Variants in STARD4 observed in about 807,000 individuals in gnomAD.
The protein encoded by STARD4 is StAR related lipid transfer domain containing 4.
A neutral mutation model predicts 24.9 loss-of-function variants in STARD4; 33 were observed. The observed-to-expected ratio is 1.32, with a 90% CI of 1.00 to 1.77. The LOEUF (loss-of-function observed/expected upper bound fraction) is 1.77. STARD4 is among the 40% of genes most tolerant of loss of function. The probability of loss-of-function intolerance (pLI) is 0.00; values close to 1 mark genes in which losing one functional copy is unlikely to be tolerated. For missense variants in STARD4, 238 were observed against 249.3 expected (o/e 0.95, Z 0.31); for synonymous variants, 88 against 77.4 (o/e 1.14, Z -0.72).
intron 1 of STARD4, among the ~76,000 whole-genome samples, chr5:111,509,497 T>C (rs1757094234): frequency 6.6e-6 from 1 of 152,128 alleles, no homozygotes; most frequent in African/African-American, 2.4e-5. Context: ...ACAGGCCCTT[T>C]TATAATGTGG....
intron 1 of STARD4, among the ~76,000 whole-genome samples, chr5:111,509,858 A>G (rs957089199): frequency 6.6e-6 from 1 of 152,094 alleles, no homozygotes; most frequent in Non-Finnish European, 1.5e-5. Flanking sequence ...ATGAAACACC[A>G]TTTCTCAAGA....
In STARD4 at chr5:111,497,560, A is replaced by G. The variant is rs910232137; in HGVS notation, c.*2326T>C. 2.0e-5 allele frequency: 3 copies of G among 152,084 alleles called. No individual in the cohort carries two copies. The highest frequency in any genetic ancestry group is 4.8e-5 in the African/African-American group (2 of 41,454). The allele number at this position is 152,084 out of a possible 1,614,324, so 9.4% of individuals were successfully genotyped here. A position where few individuals can be genotyped will look rare whatever the true frequency, so the allele number is the denominator to read the frequency against. ...ACTATCAGAATAAATCTTTACATCA[A>G]TTACATGTTAAAATGATAACATTTT... On this transcript the variant is annotated 3_prime_UTR_variant, in exon 6 of 6. Coordinates refer to ENST00000296632, the MANE Select transcript of STARD4 (RefSeq NM_139164.3).
intron 3 of STARD4, among the ~76,000 whole-genome samples, chr5:111,506,033 C>G (rs559870228): frequency 9.2e-5 from 14 of 151,668 alleles, no homozygotes; most frequent in African/African-American, 3.1e-4. Context: ...GTACTAAAAA[C>G]TACAAAAAAA....
chr5:111,496,079 AAAT>A lies in STARD4; in HGVS notation c.*3804_*3806del, dbSNP rs539363964. 5.1e-3 allele frequency: 781 copies of A among 152,148 alleles called. 5 individuals are homozygous for A. Among genetic ancestry groups the A allele is most frequent in the African/African-American group, 0.018 (729 of 41,562 alleles). 9.4% of individuals were successfully genotyped at this position (152,148 alleles called of 1,614,324 possible). A position where few individuals can be genotyped will look rare whatever the true frequency, so the allele number is the denominator to read the frequency against. ...TTTATTTTGTTTCATACCAATTTAA[AAAT>A]AAATACATATTTTATTGATACTAAT... On this transcript the variant is annotated 3_prime_UTR_variant, in exon 6 of 6. Transcript: ENST00000296632.
rs1159675664 is a variant in STARD4 at position 111,507,826 on chromosome 5, T to C, written c.-9-384A>G. ...CTCAAAAATCCCAGATCCAGAAGCC[T>C]ACTTAAAGCTTCAAGCCTAAAGGGA... On this transcript the variant is annotated intron_variant, in intron 1 of 5. Coordinates refer to ENST00000296632, the MANE Select transcript of STARD4 (RefSeq NM_139164.3). The surrounding 1 kb of genome is among the most constrained non-coding windows in gnomAD (Gnocchi z 4.4). 6.6e-6 allele frequency among the ~76,000 whole-genome samples: 1 copy of C among 152,128 alleles called. No homozygotes were observed. The highest frequency in any genetic ancestry group is 1.5e-5 in the Non-Finnish European group (1 of 67,992).
rs1756237596 is a variant in STARD4 at position 111,498,736 on chromosome 5, T to G, written c.*1150A>C. 1 of 152,160 alleles carries G rather than the reference T, an allele frequency of 6.6e-6. No homozygotes were observed. Among genetic ancestry groups the G allele is most frequent in the Admixed American group, 6.6e-5 (1 of 15,262 alleles). 9.4% of individuals were successfully genotyped at this position (152,160 alleles called of 1,614,324 possible). A position where few individuals can be genotyped will look rare whatever the true frequency, so the allele number is the denominator to read the frequency against. On this transcript the variant is annotated 3_prime_UTR_variant, in exon 6 of 6. Coordinates refer to ENST00000296632, the MANE Select transcript of STARD4 (RefSeq NM_139164.3). ...ATCAATCTAGATACTATGAGATAAT[T>G]CACCATGAACATTGTGCTGCTGCCA... is the stretch of plus-strand genomic sequence containing the variant.
intron 5 of STARD4, chr5:111,500,623 A>G (rs1291715825): frequency 8.7e-7 from 1 of 1,150,494 alleles, no homozygotes; most frequent in Admixed American, 4.6e-5. Context: ...AAAATACAAC[A>G]CAGCTCAAGG....
chr5:111,503,297 CATA>C (rs1169676172), intron 3 of STARD4, among the ~76,000 whole-genome samples: 1 of 152,192 alleles, frequency 6.6e-6, no homozygotes, highest in Non-Finnish European at 1.5e-5. Flanking sequence ...TTCTACCACT[CATA>C]ATAATTAATT....
chr5:111,504,203 A>G (rs1263757898), intron 3 of STARD4, among the ~76,000 whole-genome samples: 1 of 152,200 alleles, frequency 6.6e-6, no homozygotes, highest in African/African-American at 2.4e-5. Context: ...GCACAAAGAG[A>G]TATATACCAA....
intron 1 of STARD4, among the ~76,000 whole-genome samples, chr5:111,510,303 T>TTG (rs1296398543): frequency 1.3e-5 from 2 of 152,218 alleles, no homozygotes; most frequent in East Asian, 3.8e-4. Context: ...TATCAAGGTC[T>TTG]TGGCTCTCTC....
chr5:111,500,963 A>G (rs958652160), intron 5 of STARD4, 39 bp downstream of exon 5: 2 of 1,613,206 alleles, frequency 1.2e-6, no homozygotes, highest in Middle Eastern at 1.7e-4. Flanking sequence ...AAATATTTAA[A>G]CCATACTGAA....
intron 4 of STARD4, among the ~76,000 whole-genome samples, chr5:111,501,550 G>T (rs566631112): frequency 7.9e-5 from 12 of 152,262 alleles, no homozygotes; most frequent in African/African-American, 2.9e-4. Context: ...TATAATTTTA[G>T]AATATCTAAG....
intron 3 of STARD4, chr5:111,505,051 A>G (rs1756751235): frequency 2.2e-6 from 1 of 455,380 alleles, no homozygotes; most frequent in Non-Finnish European, 4.4e-6. Flanking sequence ...ACTCTGAAAA[A>G]AAAAAAACCA....
intron 3 of STARD4, 103 bp from the exon 4 acceptor site, chr5:111,502,191 G>T (rs1031316940): frequency 7.4e-7 from 1 of 1,355,488 alleles, no homozygotes; most frequent in Non-Finnish European, 9.9e-7. Context: ...AAATTAGGCC[G>T]GGTAGGGTGG....
chr5:111,496,887 T>C lies in STARD4; in HGVS notation c.*2999A>G, dbSNP rs1182456831. 1.3e-5 allele frequency: 2 copies of C among 152,088 alleles called. No homozygotes were observed. The highest frequency in any genetic ancestry group is 2.9e-5 in the Non-Finnish European group (2 of 67,938). 9.4% of individuals were successfully genotyped at this position (152,088 alleles called of 1,614,324 possible). On this transcript the variant is annotated 3_prime_UTR_variant, in exon 6 of 6. Coordinates refer to ENST00000296632, the MANE Select transcript of STARD4 (RefSeq NM_139164.3). ...AAGATTTACAAGCTCCCTAGTACTT[T>C]AGCAATTTATCTTATAGATTAGTTA...
At chr5:111,508,162 C>A (rs1488183506) in intron 1 of STARD4, among the ~76,000 whole-genome samples, 2 of 152,022 alleles carry the variant, frequency 1.3e-5, no homozygotes, top group Non-Finnish European at 2.9e-5. Flanking sequence ...CTTCATAAAG[C>A]CTTCTTAAGT....
chr5:111,499,713 C>A lies in STARD4; in HGVS notation c.*173G>T. On this transcript the variant is annotated 3_prime_UTR_variant, in exon 6 of 6. Coordinates refer to ENST00000296632, the MANE Select transcript of STARD4 (RefSeq NM_139164.3). ...TTAAAAAAAAAAAAGTGAAAATGCC[C>A]TCTCTTAGATAGCTATTTACTTTAG... 1 of 609,758 alleles carries A rather than the reference C, an allele frequency of 1.6e-6. No homozygotes were observed. The highest frequency in any genetic ancestry group is 2.8e-6 in the Non-Finnish European group (1 of 357,556). The allele number at this position is 609,758 out of a possible 1,614,324, so 37.8% of individuals were successfully genotyped here.
In STARD4 at chr5:111,502,063, C is replaced by T. The variant is rs780185966; in HGVS notation, c.181G>A (p.Asp61Asn). Reference protein sequence around the residue: ...YLYKAQGVIDDLVYSIIDHIR... With the variant: ...YLYKAQGVIDNLVYSIIDHIR... ...TGGTCTATTATACTATAGACAAGGT[C>T]ATCTATAACACCTTGGGCTTTGTAG... Residue 61 changes from aspartate (D) to asparagine (N), a missense_variant, in exon 4 of 6, where the codon GAC (aspartate) becomes AAC (asparagine). By Grantham distance (23) the Asp-to-Asn change is conservative. Transcript: ENST00000296632. 5.6e-6 allele frequency: 9 copies of T among 1,613,850 alleles called. No individual in the cohort carries two copies. The highest frequency in any genetic ancestry group is 2.2e-5 in the South Asian group (2 of 91,032).
intron 4 of STARD4, 133 bp downstream of exon 4, chr5:111,501,829 C>G: frequency 7.9e-7 from 1 of 1,266,082 alleles, no homozygotes; most frequent in Non-Finnish European, 1.1e-6. Context: ...CCTGTGATAT[C>G]TTTGTCGTGA....
Sources: allele counts gnomAD v4.1 joint callset (sites outside exome capture counted in the v4.1 genomes callset), GRCh38; gene constraint gnomAD v4.1.1; non-coding constraint Gnocchi (gnomAD v3.1); transcripts MANE v1.5; gene names NCBI Gene and HGNC (gene_info 2026-07-23, HGNC 2026-07-21).